Variants in KIAA0825 observed in about 807,000 individuals in gnomAD.
KIAA0825 encodes uncharacterized protein KIAA0825.
In KIAA0825, 119 loss-of-function variants were observed where a neutral mutation model predicts 147.6. That is an observed-to-expected ratio of 0.81 (90% CI 0.69 to 0.94). The LOEUF is 0.94. Among genes scored for constraint, KIAA0825 ranks in the 40% least tolerant of loss-of-function variants. The pLI is 0.00. For missense variants in KIAA0825, 1,381 were observed against 1,472.7 expected, an observed-to-expected ratio of 0.94 and a Z score of 1.02; for synonymous variants, 470 against 518.1, an observed-to-expected ratio of 0.91 and a Z score of 1.26.
At chr5:94,275,751 GGT>G (rs1186289302) in intron 20 of KIAA0825, among the ~76,000 whole-genome samples, 3 of 152,186 alleles carry the variant, frequency 2.0e-5, no homozygotes, top group African/African-American at 7.2e-5. Flanking sequence ...TGCTCCCTCA[GGT>G]AGTCCTTTGA....
intron 20 of KIAA0825, among the ~76,000 whole-genome samples, chr5:94,227,818 G>C (rs1169729174): frequency 6.6e-6 from 1 of 151,870 alleles, no homozygotes; most frequent in Non-Finnish European, 1.5e-5. Flanking sequence ...ACTGTGACCT[G>C]TCTCGGGGGT....
chr5:94,544,526 C>T (rs1448143802), intron 2 of KIAA0825, among the ~76,000 whole-genome samples: 13 of 152,114 alleles, frequency 8.5e-5, no homozygotes, highest in Non-Finnish European at 4.4e-5. Flanking sequence ...GTTTCCATGC[C>T]TCCAGTTTAT....
chr5:94,249,007 GA>G (rs1164844897), intron 20 of KIAA0825, among the ~76,000 whole-genome samples: 1 of 152,038 alleles, frequency 6.6e-6, no homozygotes, highest in Non-Finnish European at 1.5e-5. Context: ...TGGGAAGAAA[GA>G]AAGAATGAAA....
intron 2 of KIAA0825, among the ~76,000 whole-genome samples, chr5:94,572,779 G>C (rs775278708): frequency 3.3e-4 from 50 of 152,148 alleles, no homozygotes; most frequent in Non-Finnish European, 4.9e-4. Flanking sequence ...GAATTAAAAA[G>C]GGACAGCAGA....
At chr5:94,393,011 T>C (rs1750115527) in intron 17 of KIAA0825, among the ~76,000 whole-genome samples, 1 of 152,148 alleles carries the variant, frequency 6.6e-6, no homozygotes. Context: ...TGTCGGGTTT[T>C]GTAGAGGCTG....
intron 20 of KIAA0825, among the ~76,000 whole-genome samples, chr5:94,371,653 C>T (rs1459106837): frequency 1.3e-5 from 2 of 152,132 alleles, no homozygotes; most frequent in African/African-American, 2.4e-5. Flanking sequence ...TACCTCCTAC[C>T]GAGTCCCTCC....
intron 20 of KIAA0825, among the ~76,000 whole-genome samples, chr5:94,322,489 A>G (rs1368051854): frequency 6.6e-6 from 1 of 151,880 alleles, no homozygotes; most frequent in African/African-American, 2.4e-5. Context: ...TAAACATCCT[A>G]TATGTTAGAT....
At chr5:94,372,769 T>C (rs1388687728) in intron 20 of KIAA0825, among the ~76,000 whole-genome samples, 1 of 152,242 alleles carries the variant, frequency 6.6e-6, no homozygotes, top group East Asian at 1.9e-4. Context: ...TCGTTACTTA[T>C]GCAAATTTCT....
At chr5:94,279,233 G>A (rs1443071718) in intron 20 of KIAA0825, among the ~76,000 whole-genome samples, 1 of 152,006 alleles carries the variant, frequency 6.6e-6, no homozygotes, top group Non-Finnish European at 1.5e-5. Context: ...GAGCTATCAA[G>A]AGACTAATAT....
At chr5:94,420,172 A>C (rs1753988272) in intron 14 of KIAA0825, among the ~76,000 whole-genome samples, 1 of 152,020 alleles carries the variant, frequency 6.6e-6, no homozygotes, top group African/African-American at 2.4e-5. Context: ...GCCATGAGGA[A>C]GATGGGAGAT....
intron 11 of KIAA0825, 149 bp downstream of exon 11, chr5:94,464,720 A>G (rs1760271323): frequency 1.5e-6 from 1 of 677,790 alleles, no homozygotes; most frequent in Non-Finnish European, 2.3e-6. Context: ...TTCCACTTAA[A>G]TAACTCAGGA....
chr5:94,238,306 G>A (rs537044927), intron 20 of KIAA0825, among the ~76,000 whole-genome samples: 175 of 152,160 alleles, frequency 1.2e-3, no homozygotes, highest in African/African-American at 4.0e-3. Context: ...TATAATATGA[G>A]GAAAAGTCAG....
At chr5:94,342,936 C>G (rs563051657) in intron 20 of KIAA0825, among the ~76,000 whole-genome samples, 2 of 152,204 alleles carry the variant, frequency 1.3e-5, no homozygotes, top group East Asian at 3.9e-4. Context: ...TCAATAATCT[C>G]TTCATTTCTG....
intron 2 of KIAA0825, among the ~76,000 whole-genome samples, chr5:94,579,999 C>T (rs1038820537): frequency 6.6e-6 from 1 of 152,156 alleles, no homozygotes; most frequent in African/African-American, 2.4e-5. Flanking sequence ...TATTATTTAT[C>T]AAAAATGTGG....
At chr5:94,155,426 C>T (rs949826733) in intron 20 of KIAA0825, among the ~76,000 whole-genome samples, 16 of 151,812 alleles carry the variant, frequency 1.1e-4, no homozygotes, top group African/African-American at 3.9e-4. Flanking sequence ...CCCTATGTTG[C>T]CCAGGCTCAT....
intron 20 of KIAA0825, among the ~76,000 whole-genome samples, chr5:94,315,588 A>G (rs1779583029): frequency 6.6e-6 from 1 of 151,688 alleles, no homozygotes; most frequent in Non-Finnish European, 1.5e-5. Context: ...AATTCTTAGT[A>G]TGTTAGTCGA....
intron 20 of KIAA0825, among the ~76,000 whole-genome samples, chr5:94,281,198 A>AACACACACACACAC (rs34358354): frequency 5.5e-5 from 8 of 145,024 alleles, no homozygotes; most frequent in African/African-American, 1.3e-4. Context: ...TAAGTGATTT[A>AACACACACACACAC]ACACACACAC....
chr5:94,443,643 T>G (rs1000663866), intron 13 of KIAA0825, among the ~76,000 whole-genome samples: 8 of 152,218 alleles, frequency 5.3e-5, no homozygotes, highest in Admixed American at 3.9e-4. Context: ...AAAATCATTG[T>G]GAAAAATCTT....
intron 20 of KIAA0825, among the ~76,000 whole-genome samples, chr5:94,291,949 G>A (rs777460148): frequency 7.9e-5 from 12 of 152,036 alleles, no homozygotes; most frequent in East Asian, 1.9e-4. Flanking sequence ...TGTGATTTTC[G>A]CACATTGATT....
Sources: allele counts gnomAD v4.1 joint callset (sites outside exome capture counted in the v4.1 genomes callset), GRCh38; gene constraint gnomAD v4.1.1; transcripts MANE v1.5; gene names NCBI Gene and HGNC (gene_info 2026-07-23, HGNC 2026-07-21).